Variants in METTL15 observed in about 807,000 individuals in gnomAD.
METTL15 encodes the protein 12S rRNA N(4)-cytidine methyltransferase METTL15.
METTL15 carries 34 observed loss-of-function variants against 38.3 expected under a neutral mutation model. The observed-to-expected ratio is 0.89, with a 90% CI of 0.68 to 1.18. METTL15 has a LOEUF of 1.18. Ranked by LOEUF, METTL15 falls within the 50% of genes most tolerant of loss-of-function variation. The pLI is 0.00. For missense variants in METTL15, 438 were observed against 498.4 expected (o/e 0.88, Z 1.15); for synonymous variants, 162 against 170.9 (o/e 0.95, Z 0.41).
intron 5 of METTL15, among the ~76,000 whole-genome samples, chr11:28,387,322 T>A (rs1322051501): frequency 6.6e-6 from 1 of 151,538 alleles, no homozygotes; most frequent in Non-Finnish European, 1.5e-5. Flanking sequence ...AGACAAAAGA[T>A]GATCAAATAA....
intron 6 of METTL15, among the ~76,000 whole-genome samples, chr11:28,310,351 TACACAC>T (rs111303962): frequency 4.8e-5 from 7 of 147,060 alleles, no homozygotes; most frequent in East Asian, 2.0e-4. Context: ...TGTTCAGAGG[TACACAC>T]ACACACACAC....
At chr11:28,429,454 C>T (rs1850894314) in intron 6 of METTL15, among the ~76,000 whole-genome samples, 1 of 133,580 alleles carries the variant, frequency 7.5e-6, no homozygotes, top group Non-Finnish European at 1.6e-5. Flanking sequence ...TCTCGGCTCA[C>T]TGCAACCTCC....
At chr11:28,438,534 C>T (rs964406521) in intron 6 of METTL15, among the ~76,000 whole-genome samples, 32 of 152,296 alleles carry the variant, frequency 2.1e-4, no homozygotes, top group South Asian at 6.2e-4. Context: ...CTGAATCCCA[C>T]TTCTCACCCT....
intron 3 of METTL15, among the ~76,000 whole-genome samples, chr11:28,176,881 A>T (rs1332701627): frequency 1.3e-5 from 2 of 152,168 alleles, no homozygotes; most frequent in African/African-American, 4.8e-5. Flanking sequence ...TACACACTTG[A>T]TAAATACTAC....
intron 4 of METTL15, among the ~76,000 whole-genome samples, chr11:28,234,282 T>C (rs1853832836): frequency 6.6e-6 from 1 of 152,016 alleles, no homozygotes; most frequent in Non-Finnish European, 1.5e-5. Flanking sequence ...CATGTGTCTT[T>C]ATAGCAGCAT....
intron 6 of METTL15, among the ~76,000 whole-genome samples, chr11:28,439,186 A>G (rs1851012237): frequency 6.6e-6 from 1 of 152,168 alleles, no homozygotes; most frequent in Non-Finnish European, 1.5e-5. Context: ...TTTAGAATCC[A>G]TAGAGGGAAC....
chr11:28,521,257 T>C (rs780524348), intron 6 of METTL15, among the ~76,000 whole-genome samples: 1 of 152,224 alleles, frequency 6.6e-6, no homozygotes, highest in Non-Finnish European at 1.5e-5. Flanking sequence ...CTGGGTTTTA[T>C]TGTGTCTTGG....
intron 4 of METTL15, among the ~76,000 whole-genome samples, chr11:28,220,990 A>C (rs1254701314): frequency 6.6e-6 from 1 of 152,072 alleles, no homozygotes; most frequent in Non-Finnish European, 1.5e-5. Context: ...GGCTGCCCTT[A>C]ACATTTTTTC....
chr11:28,404,116 A>G (rs1411315754), intron 5 of METTL15, among the ~76,000 whole-genome samples: 1 of 152,100 alleles, frequency 6.6e-6, no homozygotes, highest in East Asian at 1.9e-4. Flanking sequence ...AAAACCCATA[A>G]GCAATATTTT....
intron 3 of METTL15, among the ~76,000 whole-genome samples, chr11:28,344,992 T>C (rs1259049187): frequency 6.6e-6 from 1 of 152,208 alleles, no homozygotes; most frequent in East Asian, 1.9e-4. Flanking sequence ...CTTTTTTTGT[T>C]CAAGAGTTCA....
At chr11:28,520,351 AG>A (rs920900997) in intron 6 of METTL15, among the ~76,000 whole-genome samples, 1 of 152,148 alleles carries the variant, frequency 6.6e-6, no homozygotes, top group Non-Finnish European at 1.5e-5. Flanking sequence ...AAATAGAAAA[AG>A]AAAAAAAAGG....
intron 3 of METTL15, among the ~76,000 whole-genome samples, chr11:28,120,917 T>A (rs1852205490): frequency 6.6e-6 from 1 of 152,200 alleles, no homozygotes; most frequent in Non-Finnish European, 1.5e-5. Context: ...CAGGTGTATG[T>A]ATTTATAGGG....
At chr11:28,376,675 G>T (rs1311197855) in intron 5 of METTL15, among the ~76,000 whole-genome samples, 3 of 151,392 alleles carry the variant, frequency 2.0e-5, no homozygotes, top group Non-Finnish European at 4.4e-5. Context: ...AGTTAATAGT[G>T]TTATGTGTGA....
chr11:28,208,318 G>C (rs1388863217), intron 3 of METTL15, among the ~76,000 whole-genome samples: 30 of 151,744 alleles, frequency 2.0e-4, no homozygotes, highest in Non-Finnish European at 3.4e-4. Context: ...TGTCTTTGTT[G>C]TCGTTAGTTT....
chr11:28,131,501 AT>A (rs370387962), intron 3 of METTL15, among the ~76,000 whole-genome samples: 29,427 of 117,316 alleles, frequency 0.25, 2,291 homozygotes, highest in African/African-American at 0.36. Context: ...ACTTCCAAGC[AT>A]TTTTTTTTTT....
intron 4 of METTL15, among the ~76,000 whole-genome samples, chr11:28,282,802 T>G (rs1486485494): frequency 6.6e-6 from 1 of 152,178 alleles, no homozygotes; most frequent in Non-Finnish European, 1.5e-5. Flanking sequence ...TGAGGCCATG[T>G]GGAACCAACT....
chr11:28,358,237 A>T (rs940238978), intron 4 of METTL15, among the ~76,000 whole-genome samples: 1 of 152,148 alleles, frequency 6.6e-6, no homozygotes, highest in Non-Finnish European at 1.5e-5. Flanking sequence ...CCCTGGAGAG[A>T]CTGAGAACCA....
At chr11:28,404,516 A>G (rs2133406799) in intron 5 of METTL15, among the ~76,000 whole-genome samples, 1 of 152,138 alleles carries the variant, frequency 6.6e-6, no homozygotes, top group South Asian at 2.1e-4. Flanking sequence ...GGCCAATTTT[A>G]TAAGGGCATT....
chr11:28,289,235 A>G (rs1293545280), intron 4 of METTL15, among the ~76,000 whole-genome samples: 1 of 152,170 alleles, frequency 6.6e-6, no homozygotes, highest in Non-Finnish European at 1.5e-5. Flanking sequence ...GTCATGCTTT[A>G]TTAATCTTTA....
Sources: gnomAD v4.1 joint callset for allele counts (sites outside exome capture counted in the v4.1 genomes callset) on GRCh38, gnomAD v4.1.1 for gene constraint, MANE v1.5 for transcripts, NCBI Gene and HGNC (gene_info 2026-07-23, HGNC 2026-07-21) for gene names.